Variants in OR3A2 observed in about 807,000 individuals in gnomAD.
The protein encoded by OR3A2 is olfactory receptor family 3 subfamily A member 2.
For synonymous variants in OR3A2, 126 were observed against 159.3 expected (o/e 0.79, Z 1.57); for missense variants, 318 against 392.8 (o/e 0.81, Z 1.61).
chr17:3,374,698 A>T (rs958827905), intron 2 of OR3A2, among the ~76,000 whole-genome samples: 1 of 151,798 alleles, frequency 6.6e-6, no homozygotes, highest in African/African-American at 2.4e-5. Flanking sequence ...GTCCTTCAAG[A>T]TTTTATTTAT....
At chr17:3,308,773 G>A (rs1170680103) in intron 3 of OR3A2, among the ~76,000 whole-genome samples, 1 of 152,068 alleles carries the variant, frequency 6.6e-6, no homozygotes, top group Non-Finnish European at 1.5e-5. Context: ...TAATCATTGG[G>A]AAATATCTTC....
At chr17:3,323,664 T>G (rs1441414089) in intron 3 of OR3A2, among the ~76,000 whole-genome samples, 1 of 152,116 alleles carries the variant, frequency 6.6e-6, no homozygotes, top group African/African-American at 2.4e-5. Context: ...ATTCTTTTCC[T>G]TAAGAATGTT....
chr17:3,292,143 A>G, intron 3 of OR3A2: 1 of 1,614,174 alleles, frequency 6.2e-7, no homozygotes, highest in Non-Finnish European at 8.5e-7. Context: ...CGCAGCCACC[A>G]ACATCCTCTG....
chr17:3,386,082 C>T (rs227980), intron 1 of OR3A2, 43 bp downstream of exon 1: 165,421 of 398,458 alleles, frequency 0.42, 35,437 homozygotes, highest in Admixed American at 0.59. Flanking sequence ...TGGTGAGATC[C>T]GACGGGGCCC....
intron 2 of OR3A2, among the ~76,000 whole-genome samples, chr17:3,379,518 A>C (rs961050892): frequency 2.6e-5 from 4 of 152,080 alleles, no homozygotes; most frequent in African/African-American, 9.7e-5. Flanking sequence ...CCTGGAGCAA[A>C]TCTGCTGGCA....
rs543661942 is a variant in OR3A2 at position 3,354,353 on chromosome 17, C to T, written c.-178-18227G>A. The stretch of plus-strand genomic sequence containing the variant: ...TTTGAGAAAGGTTTTGCTCTGTCAC[C>T]CAGTGTGCAGTGCAGTGGTATAATC... On this transcript the variant is annotated intron_variant, in intron 2 of 4. Transcript: ENST00000573491. Among the ~76,000 whole-genome samples, 50 of 151,354 alleles carry T rather than the reference C, an allele frequency of 3.3e-4. 2 individuals are homozygous for T. Among genetic ancestry groups the T allele is most frequent in the African/African-American group, 1.2e-3 (49 of 40,986 alleles).
rs552393890 is a variant in OR3A2, at chr17:3,375,357, CAG to C, written c.-179+8445_-179+8446del. Among the ~76,000 whole-genome samples the C allele has an allele frequency of 1.5e-4, 22 of 142,496 alleles. No individual in the cohort carries two copies. The South Asian group carries it at 4.6e-3, about 30-fold the overall frequency. 93.5% of individuals were successfully genotyped at this position (142,496 alleles called of 152,430 possible). A position where few individuals can be genotyped will look rare whatever the true frequency, so the allele number is the denominator to read the frequency against. ...TCACTCAGTCACCCAGGCCTAAGTG[CAG>C]TGCCACGATCTCAATTCACTGCAAC... On this transcript the variant is annotated intron_variant, in intron 2 of 4. Coordinates refer to the OR3A2 transcript ENST00000573491.
At chr17:3,360,853 A>T (rs894853858) in intron 2 of OR3A2, among the ~76,000 whole-genome samples, 3 of 151,712 alleles carry the variant, frequency 2.0e-5, no homozygotes, top group African/African-American at 7.3e-5. Context: ...AGATAGCGTG[A>T]TGCCTCCAGC....
chr17:3,276,128 A>T (rs1406862676), downstream of OR3A2, among the ~76,000 whole-genome samples: 1 of 150,014 alleles, frequency 6.7e-6, no homozygotes, highest in African/African-American at 2.5e-5. Context: ...AAAAAAAAAG[A>T]ATATTCATCA....
intron 2 of OR3A2, among the ~76,000 whole-genome samples, chr17:3,379,044 C>T (rs1350987093): frequency 6.6e-6 from 1 of 152,184 alleles, no homozygotes; most frequent in African/African-American, 2.4e-5. Context: ...GAATATCTCA[C>T]TCATTCCACA....
chr17:3,379,726 T>C lies in OR3A2; in HGVS notation c.-179+4078A>G, dbSNP rs550055637. Among the ~76,000 whole-genome samples, 4 of 152,092 alleles carry C rather than the reference T, an allele frequency of 2.6e-5. No homozygotes were observed. The South Asian group carries it at 6.2e-4, about 24-fold the overall frequency. On this transcript the variant is annotated intron_variant, in intron 2 of 4. Transcript: ENST00000573491. The stretch of plus-strand genomic sequence containing the variant: ...TAGGGGTGATGGTTGTAGCTCAGGG[T>C]GGGAAAAACCAGGGAGAAGAGGCCA...
rs553464584 is a variant in OR3A2 at position 3,367,601 on chromosome 17, G to GTATATATATATATA, written c.-179+16189_-179+16202dup. ...TGTATATGTATATGTGTGTGTGTGT[G>GTATATATATATATA]TATATATATATATATATATATGCCA... On this transcript the variant is annotated intron_variant, in intron 2 of 4. Coordinates refer to the OR3A2 transcript ENST00000573491. 6.8e-3 allele frequency among the ~76,000 whole-genome samples: 832 copies of GTATATATATATATA among 122,468 alleles called. 33 individuals are homozygous for GTATATATATATATA. Among genetic ancestry groups the GTATATATATATATA allele is most frequent in the South Asian group, 0.019 (73 of 3,812 alleles). 80.3% of individuals were successfully genotyped at this position (122,468 alleles called of 152,430 possible). A position where few individuals can be genotyped will look rare whatever the true frequency, so the allele number is the denominator to read the frequency against.
At chr17:3,325,211 T>A (rs1282886559) in intron 3 of OR3A2, among the ~76,000 whole-genome samples, 1 of 147,038 alleles carries the variant, frequency 6.8e-6, no homozygotes, top group East Asian at 2.0e-4. Context: ...CAATTTTTTT[T>A]TTTTTTTTTT....
chr17:3,382,238 C>A (rs573470910), intron 2 of OR3A2, among the ~76,000 whole-genome samples: 1 of 152,180 alleles, frequency 6.6e-6, no homozygotes, highest in Admixed American at 6.5e-5. Context: ...ATCTAACAGG[C>A]AACGGGATAT....
rs752839132 is a variant in OR3A2, at chr17:3,366,399, T to C, written c.-179+17405A>G. ...GAAACAGAAAATCTTTAGTTGCAATTTTAAAAAGAAATCTCTCAAAGGCTG... is the reference window on the plus strand; with the variant it reads ...GAAACAGAAAATCTTTAGTTGCAATCTTAAAAAGAAATCTCTCAAAGGCTG... On this transcript the variant is annotated intron_variant, in intron 2 of 4. Coordinates refer to the OR3A2 transcript ENST00000573491. Among the ~76,000 whole-genome samples, 29 of 152,136 alleles carry C rather than the reference T, an allele frequency of 1.9e-4. 1 individual carries two copies. The highest frequency in any genetic ancestry group is 4.1e-4 in the Non-Finnish European group (28 of 68,020).
Position 3,333,461 on chromosome 17 carries a change from T to C in OR3A2, c.-85+2572A>G, listed in dbSNP as rs534736247. 7.2e-5 allele frequency among the ~76,000 whole-genome samples: 11 copies of C among 152,336 alleles called. No homozygotes were observed. The South Asian group carries it at 2.1e-3, about 29-fold the overall frequency. ...ATTGGCCTCAGAAACATGTGATCTT[T>C]GTGACCTACTCCCTGTTCGTACATC... On this transcript the variant is annotated intron_variant, in intron 3 of 4. Transcript: ENST00000573491.
chr17:3,305,791 T>C (rs994103553), intron 3 of OR3A2, among the ~76,000 whole-genome samples: 1 of 152,244 alleles, frequency 6.6e-6, no homozygotes, highest in African/African-American at 2.4e-5. Context: ...ATCATACCTT[T>C]TGTAAACCAC....
chr17:3,295,904 T>C (rs2048914891), intron 3 of OR3A2, among the ~76,000 whole-genome samples: 1 of 152,104 alleles, frequency 6.6e-6, no homozygotes, highest in South Asian at 2.1e-4. Flanking sequence ...CATTGATACG[T>C]AAAGCAAAAA....
intron 3 of OR3A2, among the ~76,000 whole-genome samples, chr17:3,316,317 A>T (rs1006879836): frequency 6.6e-6 from 1 of 152,208 alleles, no homozygotes; most frequent in Non-Finnish European, 1.5e-5. Flanking sequence ...TTCTCAACAC[A>T]TCTGTGAACT....
Sources: allele counts gnomAD v4.1 joint callset (sites outside exome capture counted in the v4.1 genomes callset), GRCh38; gene constraint gnomAD v4.1.1; transcripts MANE v1.5; gene names NCBI Gene and HGNC (gene_info 2026-07-23, HGNC 2026-07-21).